The following CCBE1 variants were observed in gnomAD, a reference collection of about 807,000 sequenced individuals.
CCBE1 encodes the protein collagen and calcium binding EGF domains 1, also known as collagen and calcium-binding EGF domain-containing protein 1.
CCBE1 carries 37 observed loss-of-function variants against 50.0 expected under a neutral mutation model. The ratio of observed to expected loss-of-function variants is 0.74; its 90% CI spans 0.57 to 0.97. CCBE1 has a LOEUF of 0.97. Ranked by LOEUF, CCBE1 falls within the 50% of genes least tolerant of loss-of-function variation. CCBE1 has a pLI of 0.00. For missense variants in CCBE1, 538 were observed against 523.8 expected, an observed-to-expected ratio of 1.03 and a Z score of -0.26; for synonymous variants, 234 against 203.7, an observed-to-expected ratio of 1.15 and a Z score of -1.27.
chr18:59,637,388 A>G (rs1436445735), intron 2 of CCBE1, among the ~76,000 whole-genome samples: 1 of 152,194 alleles, frequency 6.6e-6, no homozygotes, highest in East Asian at 1.9e-4. Flanking sequence ...CCATGTTAAT[A>G]GTCTGATTTA....
At chr18:59,661,041 C>G (rs2054277751) in intron 2 of CCBE1, among the ~76,000 whole-genome samples, 1 of 149,652 alleles carries the variant, frequency 6.7e-6, no homozygotes, top group South Asian at 2.1e-4. Flanking sequence ...GTATTTTTTT[C>G]TCCCCTTGGC....
At chr18:59,463,078 G>A (rs140767948) in intron 5 of CCBE1, among the ~76,000 whole-genome samples, 330 of 152,310 alleles carry the variant, frequency 2.2e-3, no homozygotes, top group African/African-American at 7.6e-3. Flanking sequence ...TATTTAAGAA[G>A]TACATTTCAT....
intron 2 of CCBE1, among the ~76,000 whole-genome samples, chr18:59,591,138 C>A (rs1364382811): frequency 1.2e-5 from 1 of 84,792 alleles, no homozygotes; most frequent in Non-Finnish European, 2.1e-5. Context: ...CCCAGCTACT[C>A]GGGAGGCTGA....
At chr18:59,560,227 G>C (rs972825781) in intron 2 of CCBE1, among the ~76,000 whole-genome samples, 1 of 152,212 alleles carries the variant, frequency 6.6e-6, no homozygotes, top group Non-Finnish European at 1.5e-5. Context: ...GTTTTGGCTA[G>C]GGCCTATTGC....
At chr18:59,474,635 T>G (rs1445654389) in intron 3 of CCBE1, among the ~76,000 whole-genome samples, 1 of 152,232 alleles carries the variant, frequency 6.6e-6, no homozygotes, top group African/African-American at 2.4e-5. Context: ...TCCTTGAACC[T>G]CTGGTGTACT....
intron 5 of CCBE1, chr18:59,462,453 A>T (rs1440566981): frequency 1.3e-5 from 2 of 151,924 alleles, no homozygotes; most frequent in Non-Finnish European, 2.9e-5. Flanking sequence ...TGGTGCAATT[A>T]TAACTCACTG....
At position 59,446,166 on chromosome 18, in the gene CCBE1, C is replaced by G. The variant is rs559941440; in HGVS notation, c.775+1817G>C. Among the ~76,000 whole-genome samples, 5 of 152,348 alleles carry G rather than the reference C, an allele frequency of 3.3e-5. No individual in the cohort carries two copies. The South Asian group carries it at 8.3e-4, about 25-fold the overall frequency. On this transcript the variant is annotated intron_variant, in intron 7 of 10. Coordinates refer to ENST00000439986, the MANE Select transcript of CCBE1 (RefSeq NM_133459.4). ...AAGCTTATTCATCCTCAATCATTCTCTGCTCCATCAAGGACCCTGGACAGC... is the reference window on the plus strand; with the variant it reads ...AAGCTTATTCATCCTCAATCATTCTGTGCTCCATCAAGGACCCTGGACAGC...
chr18:59,530,731 CATA>C (rs1481214350), intron 2 of CCBE1, among the ~76,000 whole-genome samples: 4 of 152,206 alleles, frequency 2.6e-5, no homozygotes, highest in African/African-American at 7.2e-5. Flanking sequence ...TGATTTAAGG[CATA>C]ATAAAGGAAC....
chr18:59,691,923 T>A (rs1332468147), intron 2 of CCBE1, among the ~76,000 whole-genome samples: 6 of 152,188 alleles, frequency 3.9e-5, no homozygotes, highest in Admixed American at 3.3e-4. Context: ...GGGGAAGGGA[T>A]GAAAGTGGTG....
intron 3 of CCBE1, among the ~76,000 whole-genome samples, chr18:59,473,914 G>A (rs915963289): frequency 4.2e-5 from 4 of 94,904 alleles, no homozygotes; most frequent in South Asian, 4.0e-4. Flanking sequence ...CTAGTCTGCA[G>A]TGTCTTGTTC....
intron 2 of CCBE1, among the ~76,000 whole-genome samples, chr18:59,533,570 T>G (rs192475232): frequency 1.3e-5 from 2 of 152,286 alleles, no homozygotes; most frequent in East Asian, 3.8e-4. Context: ...TTTAACTTTA[T>G]TCATATATAA....
At chr18:59,648,610 G>C (rs144455713) in intron 2 of CCBE1, among the ~76,000 whole-genome samples, 1 of 152,228 alleles carries the variant, frequency 6.6e-6, no homozygotes, top group Non-Finnish European at 1.5e-5. Context: ...GGTGAGGTAC[G>C]AGAATTGCTT....
chr18:59,565,515 C>T (rs1469972344), intron 2 of CCBE1, among the ~76,000 whole-genome samples: 1 of 152,336 alleles, frequency 6.6e-6, no homozygotes, highest in African/African-American at 2.4e-5. Context: ...CCCAGCCCCA[C>T]ACCTGGCCCC....
intron 2 of CCBE1, among the ~76,000 whole-genome samples, chr18:59,605,951 C>A (rs1339543245): frequency 2.0e-5 from 3 of 152,128 alleles, no homozygotes; most frequent in Non-Finnish European, 4.4e-5. Flanking sequence ...AGAAATCTAC[C>A]AAGAGAAATC....
chr18:59,442,771 A>G (rs1259368295), intron 7 of CCBE1, among the ~76,000 whole-genome samples: 1 of 152,136 alleles, frequency 6.6e-6, no homozygotes, highest in Admixed American at 6.6e-5. Context: ...GAGATTTCAT[A>G]TAAAAATCTG....
chr18:59,566,903 A>C lies in CCBE1; in HGVS notation c.213-86665T>G, dbSNP rs1022221888. Among the ~76,000 whole-genome samples, 13 of 152,298 alleles carry C rather than the reference A, an allele frequency of 8.5e-5. No homozygotes were observed. The South Asian group carries it at 1.9e-3, about 22-fold the overall frequency. On this transcript the variant is annotated intron_variant, in intron 2 of 10. Transcript: ENST00000439986. ...AGACATTGTGAGAGAACGATGATGA[A>C]AGTCGGGGTGAAATGAACAATTAAG...
At chr18:59,560,856 G>T (rs1468709641) in intron 2 of CCBE1, among the ~76,000 whole-genome samples, 1 of 152,186 alleles carries the variant, frequency 6.6e-6, no homozygotes, top group Non-Finnish European at 1.5e-5. Flanking sequence ...GTGAAGTGGG[G>T]CACCTACTTA....
chr18:59,562,240 CT>C (rs1194704449), intron 2 of CCBE1, among the ~76,000 whole-genome samples: 5 of 152,164 alleles, frequency 3.3e-5, no homozygotes, highest in African/African-American at 1.2e-4. Flanking sequence ...CACAAGCTGA[CT>C]GGCTAGGCAT....
At chr18:59,696,608 C>T (rs1389325285) in intron 2 of CCBE1, 21 bp downstream of exon 2, 1 of 1,613,214 alleles carries the variant, frequency 6.2e-7, no homozygotes. Context: ...GGCGAACAGC[C>T]CGCAGAGCCC....
Sources: allele counts gnomAD v4.1 joint callset (sites outside exome capture counted in the v4.1 genomes callset), GRCh38; gene constraint gnomAD v4.1.1; transcripts MANE v1.5; gene names NCBI Gene and HGNC (gene_info 2026-07-23, HGNC 2026-07-21).